VPS35L: variants seen among roughly 807,000 people sequenced by gnomAD.
VPS35L encodes VPS35 endosomal protein sorting factor like, also known as VPS35 endosomal protein-sorting factor-like.
A neutral mutation model predicts 133.0 loss-of-function variants in VPS35L; 83 were observed. The observed-to-expected ratio is 0.62, with a 90% CI of 0.52 to 0.75. The LOEUF (loss-of-function observed/expected upper bound fraction) is 0.75. Among genes scored for constraint, VPS35L ranks in the 30% least tolerant of loss-of-function variants. The pLI, the probability that VPS35L is intolerant of heterozygous loss-of-function variation, is 0.00. For missense variants in VPS35L, 1,083 were observed against 1,206.8 expected, an observed-to-expected ratio of 0.90 and a Z score of 1.52; for synonymous variants, 423 against 449.9, an observed-to-expected ratio of 0.94 and a Z score of 0.76.
At chr16:19,591,650 T>C (rs977230712) in intron 7 of VPS35L, 140 bp from the exon 8 acceptor site, 6 of 592,130 alleles carry the variant, frequency 1.0e-5, no homozygotes, top group South Asian at 2.2e-5. Flanking sequence ...TGTCATTGTA[T>C]GCTCAGCACC....
chr16:19,615,096 G>A (rs968563101), intron 12 of VPS35L, among the ~76,000 whole-genome samples: 1 of 152,176 alleles, frequency 6.6e-6, no homozygotes, highest in East Asian at 1.9e-4. Context: ...TGGAATTCAA[G>A]CTGACTTTCT....
At chr16:19,578,759 T>C (rs1971615933) in intron 5 of VPS35L, 4 of 408,738 alleles carry the variant, frequency 9.8e-6, no homozygotes, top group Non-Finnish European at 1.8e-5. Context: ...TGGACTGCCT[T>C]TCTTTAGGAA....
At chr16:19,569,159 C>G in intron 2 of VPS35L, 1 of 634,288 alleles carries the variant, frequency 1.6e-6, no homozygotes, top group South Asian at 1.5e-5. Context: ...ACCCCAGGTG[C>G]TGTAGCCATC....
chr16:19,624,306 G>T (rs1195910436), intron 14 of VPS35L, among the ~76,000 whole-genome samples: 6 of 151,516 alleles, frequency 4.0e-5, no homozygotes, highest in African/African-American at 1.5e-4. Flanking sequence ...TTTATGACTG[G>T]GCGCGGTGGC....
rs1212832058 is a variant in VPS35L, at chr16:19,566,090, C to T, written c.117+1140C>T. Among the ~76,000 whole-genome samples the T allele has an allele frequency of 3.3e-5, 5 of 152,168 alleles. No homozygotes were observed. In the East Asian group the frequency reaches 7.7e-4, roughly 23 times the overall value. On this transcript the variant is annotated intron_variant, in intron 2 of 30. Transcript: ENST00000417362. ...TTGCATAAAGCAGAAGACCCCAAGA[C>T]TGAGATTTAGCCTCCCAGGACCCCT...
chr16:19,632,929 T>C (rs1343241165), intron 18 of VPS35L, among the ~76,000 whole-genome samples, 163 bp from the exon 19 acceptor site: 13 of 152,244 alleles, frequency 8.5e-5, no homozygotes. Flanking sequence ...CCGGGTGATA[T>C]GAGTGAGATT....
intron 28 of VPS35L, among the ~76,000 whole-genome samples, chr16:19,683,470 T>C (rs948353730): frequency 6.6e-6 from 1 of 152,164 alleles, no homozygotes; most frequent in Non-Finnish European, 1.5e-5. Context: ...ACTCTAGTGG[T>C]CTCCAATGTC....
chr16:19,687,483 G>T (rs1364368275), intron 28 of VPS35L, among the ~76,000 whole-genome samples: 1 of 152,210 alleles, frequency 6.6e-6, no homozygotes, highest in Admixed American at 6.5e-5. Context: ...AGCCGGCTTG[G>T]AAATTCTGAG....
In VPS35L at chr16:19,651,959, T is replaced by G; in HGVS notation, c.2107-17T>G. 5 of 1,544,886 alleles carry G rather than the reference T, an allele frequency of 3.2e-6. No individual in the cohort carries two copies. The highest frequency in any genetic ancestry group is 4.5e-6 in the Non-Finnish European group (5 of 1,118,704). ...ACCGTTGCACTGCTAGCGTTAATGT[T>G]TCTTCCCTTCTCCTAGGCCTGTGTT... On this transcript the variant is annotated splice_polypyrimidine_tract_variant and intron_variant, in intron 25 of 30. Coordinates refer to ENST00000417362, the MANE Select transcript of VPS35L (RefSeq NM_020314.7).
At chr16:19,595,541 G>T (rs964232456) in intron 8 of VPS35L, among the ~76,000 whole-genome samples, 1 of 152,002 alleles carries the variant, frequency 6.6e-6, no homozygotes, top group African/African-American at 2.4e-5. Context: ...TGGTTCCCTC[G>T]CCCGCCTCTC....
chr16:19,644,103 T>C (rs985502253), intron 22 of VPS35L, among the ~76,000 whole-genome samples: 5 of 152,202 alleles, frequency 3.3e-5, no homozygotes, highest in African/African-American at 9.7e-5. Flanking sequence ...AAAAATTTTT[T>C]TTTTAAATAA....
At chr16:19,573,818 AAATT>A (rs978496110) in intron 4 of VPS35L, among the ~76,000 whole-genome samples, 13 of 152,156 alleles carry the variant, frequency 8.5e-5, no homozygotes, top group African/African-American at 2.9e-4. Flanking sequence ...ATCTCAAAAA[AAATT>A]AATTAATTAA....
intron 26 of VPS35L, among the ~76,000 whole-genome samples, chr16:19,663,453 CT>C (rs908754220): frequency 6.6e-6 from 1 of 151,984 alleles, no homozygotes; most frequent in South Asian, 2.1e-4. Flanking sequence ...AGTTTATATA[CT>C]TTTTTTCCTT....
chr16:19,591,269 C>T (rs1243887775), intron 7 of VPS35L, among the ~76,000 whole-genome samples: 2 of 152,066 alleles, frequency 1.3e-5, no homozygotes, highest in South Asian at 2.1e-4. Context: ...GTCTGCAAAG[C>T]AATTGAACAA....
At chr16:19,684,252 G>A (rs922509329) in intron 28 of VPS35L, among the ~76,000 whole-genome samples, 2 of 152,192 alleles carry the variant, frequency 1.3e-5, no homozygotes, top group Non-Finnish European at 2.9e-5. Flanking sequence ...TTTTCCCACT[G>A]AGCCCAAGTA....
intron 1 of VPS35L, among the ~76,000 whole-genome samples, chr16:19,561,680 C>A (rs1472539746): frequency 6.6e-6 from 1 of 152,048 alleles, no homozygotes; most frequent in African/African-American, 2.4e-5. Context: ...CAGGGAAAGT[C>A]CCTGTGCTCT....
chr16:19,668,617 T>TGTGTGC (rs1299699743), intron 26 of VPS35L, among the ~76,000 whole-genome samples: 59 of 152,180 alleles, frequency 3.9e-4, no homozygotes, highest in Non-Finnish European at 8.1e-4. Flanking sequence ...TGTGTGTGTG[T>TGTGTGC]GTGCTGTGTT....
chr16:19,576,194 CAA>C (rs1053341536), intron 5 of VPS35L, among the ~76,000 whole-genome samples: 6 of 138,440 alleles, frequency 4.3e-5, no homozygotes, highest in Non-Finnish European at 7.8e-5. Context: ...AAAAAAAAAA[CAA>C]AGAGGTTACT....
rs1168510873 is a variant in VPS35L, at chr16:19,691,417, T to A, written c.2592T>A (p.Cys864Ter). The A allele has an allele frequency of 1.9e-6, 3 of 1,614,048 alleles. No homozygotes were observed. The change falls in exon 29 of 31, where the codon TGT becomes TGA. Residue 864 changes from cysteine to a stop codon, truncating the protein, a stop_gained. Transcript: ENST00000417362. LOFTEE classifies it high-confidence loss of function. ...SKFLAENNKL[C>*]ETVMAQILEH... ...TCCTGGCAGAAAACAACAAGCTGTGTGAGACGGTGATGGCTCAGATCCTAG... is the reference window on the plus strand; with the variant it reads ...TCCTGGCAGAAAACAACAAGCTGTGAGAGACGGTGATGGCTCAGATCCTAG...
Sources: allele counts gnomAD v4.1 joint callset (sites outside exome capture counted in the v4.1 genomes callset), GRCh38; gene constraint gnomAD v4.1.1; transcripts MANE v1.5; gene names NCBI Gene and HGNC (gene_info 2026-07-23, HGNC 2026-07-21).